Variants in DMC1 observed in about 807,000 individuals in gnomAD.
The protein encoded by DMC1 is DNA meiotic recombinase 1.
DMC1 carries 27 observed loss-of-function variants against 50.1 expected under a neutral mutation model. The observed-to-expected ratio is 0.54, with a 90% CI of 0.40 to 0.74. DMC1 has a LOEUF of 0.74. Among genes scored for constraint, DMC1 ranks in the 30% least tolerant of loss-of-function variants. The pLI is 0.00. For missense variants in DMC1, 295 were observed against 420.2 expected (o/e 0.70, Z 2.60); for synonymous variants, 148 against 136.1 (o/e 1.09, Z -0.61).
At chr22:38,533,185 G>A (rs983029714) in intron 12 of DMC1, among the ~76,000 whole-genome samples, 1 of 151,876 alleles carries the variant, frequency 6.6e-6, no homozygotes, top group African/African-American at 2.4e-5. Flanking sequence ...GAGGTCAGGA[G>A]ATCGAGACCA....
At chr22:38,511,690 C>G in the DMC1 span, among the ~76,000 whole-genome samples, 1 of 152,068 alleles carries the variant, frequency 6.6e-6, no homozygotes, top group African/African-American at 2.4e-5. Context: ...CCATCTTGAA[C>G]TCCTAGGCTC....
downstream of DMC1, among the ~76,000 whole-genome samples, chr22:38,518,354 C>T (rs1156913300): frequency 2.0e-5 from 3 of 152,048 alleles, no homozygotes; most frequent in Non-Finnish European, 4.4e-5. Flanking sequence ...TCTTGTTTTC[C>T]TAAATATTAG....
chr22:38,515,324 CA>C (rs777265189), downstream of DMC1, among the ~76,000 whole-genome samples: 4 of 149,148 alleles, frequency 2.7e-5, no homozygotes, highest in Non-Finnish European at 5.9e-5. Context: ...ACTAAAAATA[CA>C]AAAAATTAGC....
chr22:38,553,956 CAAAAAA>C (rs35690372), intron 6 of DMC1, among the ~76,000 whole-genome samples: 6 of 34,750 alleles, frequency 1.7e-4, no homozygotes, highest in Non-Finnish European at 3.4e-4. Context: ...ACTCCATCTC[CAAAAAA>C]AAAAAAAAAA....
At chr22:38,537,471 TA>T (rs952938107) in intron 12 of DMC1, 120 bp downstream of exon 12, 1 of 877,464 alleles carries the variant, frequency 1.1e-6, no homozygotes, top group Non-Finnish European at 1.9e-6. Context: ...CTCAGCCTGC[TA>T]AAGTGCTGGA....
At chr22:38,544,450 C>T (rs1364306037) in intron 8 of DMC1, among the ~76,000 whole-genome samples, 1 of 152,148 alleles carries the variant, frequency 6.6e-6, no homozygotes, top group East Asian at 1.9e-4. Context: ...CCTGTCTTTG[C>T]TTCAGGTTGT....
At chr22:38,524,919 G>C (rs2090071175) in intron 12 of DMC1, among the ~76,000 whole-genome samples, 1 of 152,042 alleles carries the variant, frequency 6.6e-6, no homozygotes, top group Admixed American at 6.6e-5. Context: ...AAATTAGCCG[G>C]GTGTGGTGGC....
At chr22:38,518,309 C>T (rs777985876), downstream of DMC1, among the ~76,000 whole-genome samples, 16 of 152,124 alleles carry the variant, frequency 1.1e-4, no homozygotes, top group Non-Finnish European at 2.1e-4. Flanking sequence ...TCCAAGATTA[C>T]ACTGCTTATG....
intron 8 of DMC1, among the ~76,000 whole-genome samples, chr22:38,548,915 T>C (rs1375878624): frequency 6.6e-6 from 1 of 152,204 alleles, no homozygotes; most frequent in African/African-American, 2.4e-5. Flanking sequence ...GCATGATCTT[T>C]CCAGTTCTAT....
rs944123587 is a variant in DMC1, at chr22:38,519,787, C to A, written c.*233G>T. The A allele has an allele frequency of 3.3e-5, 16 of 478,244 alleles. No homozygotes were observed. The highest frequency in any genetic ancestry group is 5.8e-5 in the Non-Finnish European group (15 of 260,622). 29.6% of individuals were successfully genotyped at this position (478,244 alleles called of 1,614,324 possible). Reference sequence around the variant, plus strand: ...ACTATATATGTCAGGTATACACACACAAACACACACACACACAAACATACA... The same window carrying A: ...ACTATATATGTCAGGTATACACACAAAAACACACACACACACAAACATACA... On this transcript the variant is annotated 3_prime_UTR_variant, in exon 14 of 14. Coordinates refer to ENST00000216024, the MANE Select transcript of DMC1 (RefSeq NM_007068.4).
At chr22:38,568,330 T>C in intron 1 of DMC1, 41 bp from the exon 2 acceptor site, 1 of 1,424,400 alleles carries the variant, frequency 7.0e-7, no homozygotes, top group Non-Finnish European at 9.9e-7. Context: ...TAGTCCTTTG[T>C]CCAGGGGCCT....
chr22:38,522,969 A>G (rs2145777951), intron 12 of DMC1, among the ~76,000 whole-genome samples: 1 of 152,346 alleles, frequency 6.6e-6, no homozygotes, highest in East Asian at 1.9e-4. Flanking sequence ...GAAACTGGAC[A>G]CTATGGCACA....
chr22:38,520,555 AC>A (rs2090013644), intron 13 of DMC1, among the ~76,000 whole-genome samples: 1 of 151,870 alleles, frequency 6.6e-6, no homozygotes, highest in African/African-American at 2.4e-5. Context: ...ACGGGGTTTC[AC>A]CATGTTGGCC....
At chr22:38,545,766 T>G (rs1359534853) in intron 8 of DMC1, 1 of 152,062 alleles carries the variant, frequency 6.6e-6, no homozygotes, top group Non-Finnish European at 1.5e-5. Flanking sequence ...TGAAGGGAAG[T>G]TCAGATCAAT....
intron 12 of DMC1, 95 bp downstream of exon 12, chr22:38,537,497 C>A: frequency 8.5e-7 from 1 of 1,176,076 alleles, no homozygotes; most frequent in Non-Finnish European, 1.3e-6. Context: ...CAGGCGTGAG[C>A]CACCGTGCCC....
chr22:38,534,310 T>C (rs1569157295), intron 12 of DMC1, among the ~76,000 whole-genome samples: 2 of 152,236 alleles, frequency 1.3e-5, no homozygotes, highest in Non-Finnish European at 2.9e-5. Context: ...ATCATTATTC[T>C]TAGAAGAGAT....
chr22:38,509,288 G>A, the DMC1 span, among the ~76,000 whole-genome samples: 1 of 152,090 alleles, frequency 6.6e-6, no homozygotes. Flanking sequence ...CCCAGCATCC[G>A]TTAGCTATTC....
the DMC1 span, among the ~76,000 whole-genome samples, chr22:38,510,084 G>A: frequency 2.0e-5 from 3 of 152,166 alleles, no homozygotes; most frequent in South Asian, 2.1e-4. Context: ...GCGTGATGGC[G>A]CATGCCTGTA....
intron 5 of DMC1, among the ~76,000 whole-genome samples, chr22:38,556,062 C>T (rs2090466357): frequency 6.6e-6 from 1 of 152,140 alleles, no homozygotes; most frequent in South Asian, 2.1e-4. Flanking sequence ...GAACTCCTGA[C>T]CTCAGGTGAT....
Sources: allele counts gnomAD v4.1 joint callset (sites outside exome capture counted in the v4.1 genomes callset), GRCh38; gene constraint gnomAD v4.1.1; transcripts MANE v1.5; gene names NCBI Gene and HGNC (gene_info 2026-07-23, HGNC 2026-07-21).